The following GRID2 variants were observed in gnomAD, a reference collection of about 807,000 sequenced individuals.
GRID2 encodes the protein glutamate ionotropic receptor delta type subunit 2.
A neutral mutation model predicts 114.8 loss-of-function variants in GRID2; 33 were observed. That is an observed-to-expected ratio of 0.29 (90% CI 0.22 to 0.38). GRID2 has a LOEUF of 0.38. GRID2 is among the 10% of genes least tolerant of loss of function. GRID2 has a pLI of 1.00. For synonymous variants in GRID2, 505 were observed against 449.9 expected, an observed-to-expected ratio of 1.12 and a Z score of -1.55; for missense variants, 1,184 against 1,257.7, an observed-to-expected ratio of 0.94 and a Z score of 0.89.
chr4:92,682,091 T>G (rs1733677858), intron 2 of GRID2, among the ~76,000 whole-genome samples: 1 of 152,086 alleles, frequency 6.6e-6, no homozygotes, highest in African/African-American at 2.4e-5. Context: ...GAGTCTTTTT[T>G]TTTTTAATAT....
chr4:93,398,928 T>C (rs1765618124), intron 9 of GRID2, among the ~76,000 whole-genome samples: 1 of 151,950 alleles, frequency 6.6e-6, no homozygotes, highest in Non-Finnish European at 1.5e-5. Context: ...ATTCCCTTCT[T>C]ATTTATTTTC....
At chr4:93,688,000 T>C (rs1697237840) in intron 14 of GRID2, among the ~76,000 whole-genome samples, 1 of 151,902 alleles carries the variant, frequency 6.6e-6, no homozygotes, top group South Asian at 2.1e-4. Context: ...TGACACTTTC[T>C]CCATTATAAA....
At chr4:92,413,946 TAAAG>T (rs1731458744) in intron 1 of GRID2, among the ~76,000 whole-genome samples, 2 of 152,002 alleles carry the variant, frequency 1.3e-5, no homozygotes, top group Admixed American at 1.3e-4. Context: ...AGGAACAACT[TAAAG>T]AATATTACTT....
intron 13 of GRID2, among the ~76,000 whole-genome samples, chr4:93,566,204 G>T (rs948614286): frequency 6.6e-6 from 1 of 152,128 alleles, no homozygotes; most frequent in Admixed American, 6.6e-5. Context: ...ACAATGAAAA[G>T]AAACAAATGA....
intron 2 of GRID2, among the ~76,000 whole-genome samples, chr4:92,924,150 C>G (rs1749611376): frequency 6.6e-6 from 1 of 151,998 alleles, no homozygotes; most frequent in South Asian, 2.1e-4. Context: ...ATCACAAGGA[C>G]AAAAAACCAA....
At chr4:93,746,007 T>C (rs1731809340) in intron 14 of GRID2, among the ~76,000 whole-genome samples, 3 of 152,096 alleles carry the variant, frequency 2.0e-5, no homozygotes, top group South Asian at 2.1e-4. Context: ...CCAAGGTAAA[T>C]AGAAGTACTG....
chr4:92,934,395 G>C (rs1055316017), intron 2 of GRID2, among the ~76,000 whole-genome samples: 1 of 150,774 alleles, frequency 6.6e-6, no homozygotes, highest in Non-Finnish European at 1.5e-5. Context: ...CTGAGACTTT[G>C]CTGAAGCTGC....
chr4:92,511,693 A>C (rs1183379704), intron 1 of GRID2, among the ~76,000 whole-genome samples: 2 of 151,928 alleles, frequency 1.3e-5, no homozygotes, highest in Non-Finnish European at 2.9e-5. Context: ...AATCAGTTCA[A>C]GAGAGGAAGG....
At chr4:92,725,993 T>C (rs563201901) in intron 2 of GRID2, among the ~76,000 whole-genome samples, 3 of 152,200 alleles carry the variant, frequency 2.0e-5, no homozygotes, top group African/African-American at 4.8e-5. Flanking sequence ...GGTGAAAATA[T>C]TGAGTACAAC....
intron 2 of GRID2, among the ~76,000 whole-genome samples, chr4:92,816,318 C>CAAAAAAAA (rs764487348): frequency 4.1e-5 from 2 of 48,252 alleles, no homozygotes; most frequent in African/African-American, 8.0e-5. Flanking sequence ...TCTGTCTCAC[C>CAAAAAAAA]AAAAAAAAAA....
intron 1 of GRID2, among the ~76,000 whole-genome samples, chr4:92,579,788 G>T (rs925434172): frequency 4.0e-5 from 6 of 151,032 alleles, no homozygotes; most frequent in Non-Finnish European, 8.9e-5. Context: ...ATTTTGTAAG[G>T]TTTATTTTCT....
intron 3 of GRID2, among the ~76,000 whole-genome samples, chr4:93,103,759 G>A (rs1015598073): frequency 6.6e-6 from 1 of 151,772 alleles, no homozygotes; most frequent in African/African-American, 2.4e-5. Flanking sequence ...AAAAGAGTCT[G>A]TAACACAAAG....
intron 1 of GRID2, among the ~76,000 whole-genome samples, chr4:92,368,722 A>G (rs1192044439): frequency 6.6e-6 from 1 of 152,070 alleles, no homozygotes; most frequent in African/African-American, 2.4e-5. Context: ...CTCGGAGTCT[A>G]TGATTTAATG....
intron 14 of GRID2, among the ~76,000 whole-genome samples, chr4:93,768,530 A>G (rs1002255930): frequency 2.6e-5 from 4 of 152,230 alleles, no homozygotes; most frequent in African/African-American, 9.6e-5. Context: ...ACTACTTCTG[A>G]AAGCCTCTGG....
chr4:93,368,200 T>A (rs1193316052), intron 8 of GRID2, among the ~76,000 whole-genome samples: 1 of 152,126 alleles, frequency 6.6e-6, no homozygotes, highest in Non-Finnish European at 1.5e-5. Context: ...TGACAGTTAA[T>A]TCTTACCTAG....
chr4:93,477,243 T>C (rs1725403943), intron 11 of GRID2, among the ~76,000 whole-genome samples: 1 of 152,110 alleles, frequency 6.6e-6, no homozygotes, highest in Non-Finnish European at 1.5e-5. Flanking sequence ...GCTCCTAAAA[T>C]AATGATATTA....
chr4:92,615,548 A>G (rs969985928), intron 2 of GRID2, among the ~76,000 whole-genome samples: 1 of 151,652 alleles, frequency 6.6e-6, no homozygotes, highest in Non-Finnish European at 1.5e-5. Context: ...ATAAGATTAG[A>G]TCTTTTTTCT....
At chr4:92,331,212 A>G (rs970615649) in intron 1 of GRID2, among the ~76,000 whole-genome samples, 1 of 152,160 alleles carries the variant, frequency 6.6e-6, no homozygotes, top group Non-Finnish European at 1.5e-5. Flanking sequence ...ATATATTTTA[A>G]TTTCTATTAA....
intron 1 of GRID2, among the ~76,000 whole-genome samples, chr4:92,307,979 A>C (rs1036932745): frequency 2.0e-5 from 3 of 152,204 alleles, no homozygotes; most frequent in Non-Finnish European, 4.4e-5. Context: ...CTGTAGGAAG[A>C]ACCAAAAAGT....
Sources: allele counts gnomAD v4.1 joint callset (sites outside exome capture counted in the v4.1 genomes callset), GRCh38; gene constraint gnomAD v4.1.1; transcripts MANE v1.5; gene names NCBI Gene and HGNC (gene_info 2026-07-23, HGNC 2026-07-21).